STX19: variants seen among roughly 807,000 people sequenced by gnomAD.
The protein encoded by STX19 is syntaxin-19.
A neutral mutation model predicts 24.3 loss-of-function variants in STX19; 26 were observed. The ratio of observed to expected loss-of-function variants is 1.07; its 90% CI spans 0.78 to 1.48. The LOEUF is 1.48. STX19 is among the 40% of genes most tolerant of loss of function. STX19 has a pLI of 0.00. For synonymous variants in STX19, 116 were observed against 106.9 expected (o/e 1.09, Z -0.52); for missense variants, 367 against 331.9 (o/e 1.11, Z -0.82).
intron 1 of STX19, among the ~76,000 whole-genome samples, chr3:94,026,094 A>G (rs988996274): frequency 6.8e-6 from 1 of 147,178 alleles, no homozygotes; most frequent in Non-Finnish European, 1.5e-5. Context: ...ATCTCGGCTC[A>G]CTGCAAGCTC....
In STX19 at chr3:94,027,942, T is replaced by G. The variant is rs562168560; in HGVS notation, c.-14+425A>C. 1.5e-3 allele frequency among the ~76,000 whole-genome samples: 233 copies of G among 152,254 alleles called. 2 individuals are homozygous for G. The highest frequency in any genetic ancestry group is 5.3e-3 in the African/African-American group (221 of 41,578). On this transcript the variant is annotated intron_variant, in intron 1 of 1. Coordinates refer to ENST00000315099, the MANE Select transcript of STX19 (RefSeq NM_001001850.3). Reference sequence around the variant, plus strand: ...ATTATAGCAAATTATTTCAGATTTTTAAGGTTATACGTATGTGTCAAATTT... The same window carrying G: ...ATTATAGCAAATTATTTCAGATTTTGAAGGTTATACGTATGTGTCAAATTT...
chr3:94,022,369 AC>A (rs1183036734), intron 1 of STX19, among the ~76,000 whole-genome samples: 1 of 151,048 alleles, frequency 6.6e-6, no homozygotes, highest in African/African-American at 2.4e-5. Flanking sequence ...CAAGTGATCC[AC>A]CCGCCTCAGC....
At chr3:94,020,110 C>T (rs2076416908) in intron 1 of STX19, among the ~76,000 whole-genome samples, 1 of 152,122 alleles carries the variant, frequency 6.6e-6, no homozygotes, top group Admixed American at 6.6e-5. Flanking sequence ...TCCATGAGAT[C>T]AAGGGTTTTT....
chr3:94,027,397 T>TA (rs201976725), intron 1 of STX19, among the ~76,000 whole-genome samples: 1,673 of 152,228 alleles, frequency 0.011, 10 homozygotes, highest in Admixed American at 0.028. Context: ...TTATTTAGTC[T>TA]AAATAACTTA....
At chr3:94,022,328 G>A (rs2076465695) in intron 1 of STX19, among the ~76,000 whole-genome samples, 1 of 151,996 alleles carries the variant, frequency 6.6e-6, no homozygotes, top group African/African-American at 2.4e-5. Flanking sequence ...GTTTTACCAT[G>A]TTGGCCAGGC....
rs2076294864 is a variant in STX19, at chr3:94,014,849, A to T, written c.421T>A (p.Phe141Ile). The T allele has an allele frequency of 2.5e-6, 4 of 1,613,988 alleles. No individual in the cohort carries two copies. Among genetic ancestry groups the T allele is most frequent in the Non-Finnish European group, 2.5e-6 (3 of 1,179,990 alleles). Residue 141 changes from phenylalanine (F) to isoleucine (I), a missense_variant, in exon 2 of 2, where the codon TTC becomes ATC. Transcript: ENST00000315099. Reference protein sequence around the residue: ...RILKSQHAAMFRHFQQIMFIY... With the variant: ...RILKSQHAAMIRHFQQIMFIY... ...AACATGATTTGCTGAAAATGGCGGA[A>T]CATTGCAGCATGCTGAGATTTAAGT...
At chr3:94,027,229 G>T (rs2076575822) in intron 1 of STX19, among the ~76,000 whole-genome samples, 1 of 151,916 alleles carries the variant, frequency 6.6e-6, no homozygotes, top group Non-Finnish European at 1.5e-5. Context: ...TGAAAGCAGA[G>T]GATCTTATTG....
At chr3:94,017,167 A>G (rs2107500980) in intron 1 of STX19, among the ~76,000 whole-genome samples, 1 of 152,300 alleles carries the variant, frequency 6.6e-6, no homozygotes, top group East Asian at 1.9e-4. Flanking sequence ...ACCATACCAA[A>G]TGGAGACTCA....
At position 94,014,369 on chromosome 3, in the gene STX19, T is replaced by C; in HGVS notation, c.*16A>G. ...TCTTTTACCGTAAAGCTGGAAAAAG[T>C]TTTAAAATAGCTTCTTTATTTTGAG... On this transcript the variant is annotated 3_prime_UTR_variant, in exon 2 of 2. Coordinates refer to ENST00000315099, the MANE Select transcript of STX19 (RefSeq NM_001001850.3). The C allele has an allele frequency of 6.6e-7, 1 of 1,510,024 alleles. No homozygotes were observed. Among genetic ancestry groups the C allele is most frequent in the East Asian group, 2.3e-5 (1 of 43,434 alleles). The allele number at this position is 1,510,024 out of a possible 1,614,324, so 93.5% of individuals were successfully genotyped here.
intron 1 of STX19, among the ~76,000 whole-genome samples, chr3:94,022,356 C>G (rs1160161439): frequency 6.6e-6 from 1 of 151,972 alleles, no homozygotes; most frequent in Non-Finnish European, 1.5e-5. Flanking sequence ...GAACTCCTAA[C>G]CTCAAGTGAT....
chr3:94,027,586 C>T (rs1257116088), intron 1 of STX19, among the ~76,000 whole-genome samples: 1 of 151,912 alleles, frequency 6.6e-6, no homozygotes, highest in Non-Finnish European at 1.5e-5. Context: ...ATTCTCAAGT[C>T]CACCTTTAAA....
At chr3:94,021,205 T>C (rs1044916262) in intron 1 of STX19, among the ~76,000 whole-genome samples, 81 of 149,802 alleles carry the variant, frequency 5.4e-4, no homozygotes, top group Non-Finnish European at 9.3e-4. Context: ...TATATAATTT[T>C]TTTTTTGAGA....
chr3:94,014,931 A>G lies in STX19; in HGVS notation c.339T>C (p.Val113=). 6.2e-7 allele frequency: 1 copy of G among 1,613,560 alleles called. No homozygotes were observed. Among genetic ancestry groups the G allele is most frequent in the Non-Finnish European group, 8.5e-7 (1 of 1,179,864 alleles). The change falls in exon 2 of 2, where the codon GTT becomes GTC. Residue 113 remains valine, a synonymous_variant. Transcript: ENST00000315099. ...EYINRSLNDL[V]KEVKKSEVEN... ...CAACCTCTGACTTTTTAACTTCTTTAACTAAATCATTCAAACTTCTGTTGA... is the reference window on the plus strand; with the variant it reads ...CAACCTCTGACTTTTTAACTTCTTTGACTAAATCATTCAAACTTCTGTTGA...
intron 1 of STX19, among the ~76,000 whole-genome samples, chr3:94,021,430 A>G (rs2076446871): frequency 6.6e-6 from 1 of 152,028 alleles, no homozygotes; most frequent in South Asian, 2.1e-4. Flanking sequence ...CCTGACCTCA[A>G]GTGATCTGCC....
chr3:94,018,368 A>T (rs1019195533), intron 1 of STX19, among the ~76,000 whole-genome samples: 6 of 152,188 alleles, frequency 3.9e-5, no homozygotes, highest in African/African-American at 1.4e-4. Flanking sequence ...ATTTTAACCC[A>T]TCAGCACTTA....
intron 1 of STX19, among the ~76,000 whole-genome samples, chr3:94,025,346 A>T (rs192920958): frequency 2.1e-4 from 32 of 152,338 alleles, no homozygotes; most frequent in Admixed American, 2.0e-3. Context: ...AGTGTTATAC[A>T]TCATGGCAAT....
chr3:94,020,446 G>A (rs1373735454), intron 1 of STX19, among the ~76,000 whole-genome samples: 1 of 152,120 alleles, frequency 6.6e-6, no homozygotes, highest in Non-Finnish European at 1.5e-5. Flanking sequence ...TTATACGACA[G>A]TATAGCATAC....
At chr3:94,027,412 ATTAAC>A (rs1202339625) in intron 1 of STX19, among the ~76,000 whole-genome samples, 1 of 152,110 alleles carries the variant, frequency 6.6e-6, no homozygotes, top group African/African-American at 2.4e-5. Flanking sequence ...AACTTATTGA[ATTAAC>A]TTGTATAACA....
intron 1 of STX19, among the ~76,000 whole-genome samples, chr3:94,016,902 C>T (rs867512866): frequency 2.6e-5 from 4 of 152,164 alleles, no homozygotes; most frequent in South Asian, 2.1e-4. Flanking sequence ...ACCTTGGCCT[C>T]CCAAAGTGCT....
Sources: allele counts gnomAD v4.1 joint callset (sites outside exome capture counted in the v4.1 genomes callset), GRCh38; gene constraint gnomAD v4.1.1; transcripts MANE v1.5; gene names NCBI Gene and HGNC (gene_info 2026-07-23, HGNC 2026-07-21).